BBX: variants seen among roughly 807,000 people sequenced by gnomAD.
BBX encodes the protein HMG box transcription factor BBX.
Under a neutral mutation model 100.2 loss-of-function variants are expected in BBX, and 30 were observed. The ratio of observed to expected loss-of-function variants is 0.30; its 90% CI spans 0.22 to 0.41. The LOEUF (loss-of-function observed/expected upper bound fraction) is 0.41, where lower values mean the gene tolerates loss of function less well. Ranked by LOEUF, BBX falls within the 10% of genes least tolerant of loss-of-function variation. The pLI, the probability that BBX is intolerant of heterozygous loss-of-function variation, is 1.00. For synonymous variants in BBX, 376 were observed against 388.1 expected (o/e 0.97, Z 0.37); for missense variants, 1,023 against 1,129.8 (o/e 0.91, Z 1.35).
intron 7 of BBX, among the ~76,000 whole-genome samples, chr3:107,737,884 G>GTTTTTTTTTTTTTTTTTT (rs1156396951): frequency 1.0e-4 from 5 of 48,898 alleles, no homozygotes; most frequent in Non-Finnish European, 1.4e-4. Flanking sequence ...CAGAGTTCCA[G>GTTTTTTTTTTTTTTTTTT]TTTTTTTTTT....
chr3:107,691,764 T>C (rs1384257897), intron 3 of BBX, among the ~76,000 whole-genome samples: 9 of 152,226 alleles, frequency 5.9e-5, no homozygotes, highest in Non-Finnish European at 1.3e-4. Context: ...AAGGTAAAGG[T>C]AAACCACACC....
At chr3:107,654,822 A>G (rs1284325617) in intron 3 of BBX, among the ~76,000 whole-genome samples, 1 of 152,184 alleles carries the variant, frequency 6.6e-6, no homozygotes, top group East Asian at 1.9e-4. Context: ...ACTTAGCTTT[A>G]TGTGAAATGG....
chr3:107,725,781 GTGTCTACTGCAAAGT>G (rs963303593), intron 5 of BBX, among the ~76,000 whole-genome samples: 138 of 152,152 alleles, frequency 9.1e-4, no homozygotes, highest in African/African-American at 3.0e-3. Flanking sequence ...CAGGAACTAT[GTGTCTACTGCAAAGT>G]AGGATTCCCT....
intron 3 of BBX, among the ~76,000 whole-genome samples, chr3:107,678,477 T>A (rs748022817): frequency 6.6e-6 from 1 of 152,072 alleles, no homozygotes; most frequent in Non-Finnish European, 1.5e-5. Flanking sequence ...CCCAGCACTT[T>A]GGGAGGCAAG....
At chr3:107,789,661 G>T (rs2068788287) in intron 13 of BBX, 126 bp from the exon 14 acceptor site, 2 of 633,924 alleles carry the variant, frequency 3.2e-6, no homozygotes, top group East Asian at 3.0e-5. Flanking sequence ...GATGCAAGAT[G>T]ACATTTATTG....
At chr3:107,789,340 T>C (rs938341889) in intron 13 of BBX, among the ~76,000 whole-genome samples, 2 of 152,246 alleles carry the variant, frequency 1.3e-5, no homozygotes, top group Non-Finnish European at 2.9e-5. Flanking sequence ...AGCTATCTAA[T>C]GCTGTCGGGT....
rs551794274 is a variant in BBX, at chr3:107,523,257, G to C, written c.-156+150G>C. 1.8e-5 allele frequency: 4 copies of C among 218,292 alleles called. No homozygotes were observed. In the South Asian group the frequency reaches 2.2e-4, roughly 12 times the overall value. 13.5% of individuals were successfully genotyped at this position (218,292 alleles called of 1,614,324 possible). ...CGGCGGCGGCGGCGGCAGCCGGTAG[G>C]GTGGACTTGAGGAAGACGGAGGGAA... is the stretch of plus-strand genomic sequence containing the variant. On this transcript the variant is annotated intron_variant, in intron 1 of 17. Transcript: ENST00000325805.
In BBX at chr3:107,805,592, C is replaced by A; in HGVS notation, c.*135C>A. On this transcript the variant is annotated 3_prime_UTR_variant, in exon 18 of 18. Coordinates refer to ENST00000325805, the MANE Select transcript of BBX (RefSeq NM_001142568.3). Reference sequence around the variant, plus strand: ...CTTGTTGCCCCACACGGCCCAGATTCACTTGAAGCAGAAGTTAGCATCCTG... The same window carrying A: ...CTTGTTGCCCCACACGGCCCAGATTAACTTGAAGCAGAAGTTAGCATCCTG... The A allele has an allele frequency of 6.6e-7, 1 of 1,506,216 alleles. No individual in the cohort carries two copies. Among genetic ancestry groups the A allele is most frequent in the South Asian group, 1.2e-5 (1 of 80,330 alleles). The allele number at this position is 1,506,216 out of a possible 1,614,324, so 93.3% of individuals were successfully genotyped here.
At chr3:107,545,713 A>C (rs1418970388) in intron 2 of BBX, among the ~76,000 whole-genome samples, 1 of 152,132 alleles carries the variant, frequency 6.6e-6, no homozygotes, top group Non-Finnish European at 1.5e-5. Context: ...AATTGGTGGG[A>C]TATTCAGTAG....
chr3:107,677,587 A>C (rs541482456), intron 3 of BBX: 2 of 152,326 alleles, frequency 1.3e-5, no homozygotes, highest in South Asian at 4.1e-4. Flanking sequence ...ACAAGTGGGC[A>C]AAATCATCTA....
At chr3:107,717,327 T>A (rs926179715) in intron 5 of BBX, among the ~76,000 whole-genome samples, 3 of 152,178 alleles carry the variant, frequency 2.0e-5, no homozygotes, top group Admixed American at 2.0e-4. Flanking sequence ...GATCTAGTTC[T>A]GCTGCTAAAT....
intron 16 of BBX, among the ~76,000 whole-genome samples, 184 bp downstream of exon 16, chr3:107,798,904 G>A (rs4855768): frequency 0.41 from 61,588 of 150,490 alleles, 14,037 homozygotes; most frequent in East Asian, 0.88. Context: ...TAATCCCAAC[G>A]CTTTAGGAGG....
intron 3 of BBX, among the ~76,000 whole-genome samples, chr3:107,704,085 G>A (rs1376815656): frequency 6.6e-6 from 1 of 152,160 alleles, no homozygotes; most frequent in South Asian, 2.1e-4. Flanking sequence ...TACTTGCCAT[G>A]TTATCCTGTG....
chr3:107,547,232 T>G (rs912405610), intron 2 of BBX, among the ~76,000 whole-genome samples: 1 of 152,168 alleles, frequency 6.6e-6, no homozygotes, highest in East Asian at 1.9e-4. Context: ...GTAATTATAC[T>G]GCAGAACTGA....
At chr3:107,794,449 A>C (rs997088006) in intron 15 of BBX, among the ~76,000 whole-genome samples, 8 of 151,990 alleles carry the variant, frequency 5.3e-5, no homozygotes, top group South Asian at 2.1e-4. Flanking sequence ...GAAAAAAAAA[A>C]CCCCAAAACC....
rs1181616269 is a variant in BBX at position 107,806,174 on chromosome 3, T to C, written c.*717T>C. On this transcript the variant is annotated 3_prime_UTR_variant, in exon 18 of 18. Coordinates refer to ENST00000325805, the MANE Select transcript of BBX (RefSeq NM_001142568.3). Reference sequence around the variant, plus strand: ...ACAACTCTTACAATCTGAATTTTTTTCTTAGCCTTGAGTGACCAAGAAGAA... The same window carrying C: ...ACAACTCTTACAATCTGAATTTTTTCCTTAGCCTTGAGTGACCAAGAAGAA... 1 of 152,174 alleles carries C rather than the reference T, an allele frequency of 6.6e-6. No individual in the cohort carries two copies. Among genetic ancestry groups the C allele is most frequent in the Non-Finnish European group, 1.5e-5 (1 of 68,028 alleles). The allele number at this position is 152,174 out of a possible 1,614,324, so 9.4% of individuals were successfully genotyped here. A position where few individuals can be genotyped will look rare whatever the true frequency, so the allele number is the denominator to read the frequency against.
chr3:107,615,514 A>G (rs1234893084), intron 2 of BBX, among the ~76,000 whole-genome samples: 1 of 152,046 alleles, frequency 6.6e-6, no homozygotes, highest in Non-Finnish European at 1.5e-5. Context: ...CCTCTTTTAT[A>G]AGGGCACTTA....
At chr3:107,723,641 A>G (rs1012204165) in intron 5 of BBX, among the ~76,000 whole-genome samples, 5 of 151,960 alleles carry the variant, frequency 3.3e-5, no homozygotes, top group Non-Finnish European at 7.4e-5. Flanking sequence ...ATTCTCACCT[A>G]TGAGTGAGAA....
Position 107,706,170 on chromosome 3 carries a change from A to G in BBX, c.-9-4282A>G, listed in dbSNP as rs560775233. Among the ~76,000 whole-genome samples, 61 of 151,926 alleles carry G rather than the reference A, an allele frequency of 4.0e-4. 1 individual carries two copies. The highest frequency in any genetic ancestry group is 6.8e-3 in the Middle Eastern group (2 of 294). The stretch of plus-strand genomic sequence containing the variant: ...CGCGAGTAGCTGGGACTACAAGTGC[A>G]TGCCACCAACAACCAGTTAATTTTT... On this transcript the variant is annotated intron_variant, in intron 3 of 17. Transcript: ENST00000325805.
Sources: gnomAD v4.1 joint callset for allele counts (sites outside exome capture counted in the v4.1 genomes callset) on GRCh38, gnomAD v4.1.1 for gene constraint, MANE v1.5 for transcripts, NCBI Gene and HGNC (gene_info 2026-07-23, HGNC 2026-07-21) for gene names.